Variants in GPC5 observed in about 807,000 individuals in gnomAD.
The protein encoded by GPC5 is glypican-5.
A neutral mutation model predicts 53.9 loss-of-function variants in GPC5; 47 were observed. The ratio of observed to expected loss-of-function variants is 0.87; its 90% confidence interval spans 0.69 to 1.11. GPC5 has a LOEUF of 1.11. GPC5 is among the 50% of genes most tolerant of loss of function. The pLI is 0.00. For synonymous variants in GPC5, 286 were observed against 263.3 expected (o/e 1.09, Z -0.84); for missense variants, 748 against 713.1 (o/e 1.05, Z -0.56).
chr13:92,011,545 TCCCA>T (rs2040661600), intron 6 of GPC5, among the ~76,000 whole-genome samples: 1 of 152,142 alleles, frequency 6.6e-6, no homozygotes, highest in Non-Finnish European at 1.5e-5. Flanking sequence ...GCCATCTTAG[TCCCA>T]GATCTGCCTC....
At chr13:91,551,000 AGT>A (rs1566497074) in intron 2 of GPC5, among the ~76,000 whole-genome samples, 1 of 152,126 alleles carries the variant, frequency 6.6e-6, no homozygotes, top group African/African-American at 2.4e-5. Context: ...CCCAGTCTTG[AGT>A]GTGTCTTTAT....
intron 6 of GPC5, among the ~76,000 whole-genome samples, chr13:92,088,547 C>G (rs555150847): frequency 6.6e-6 from 1 of 152,198 alleles, no homozygotes; most frequent in Non-Finnish European, 1.5e-5. Flanking sequence ...CACCTGCCTC[C>G]TTGCCTCACC....
At chr13:92,845,241 AGAT>A (rs1255240898) in intron 7 of GPC5, among the ~76,000 whole-genome samples, 3 of 152,194 alleles carry the variant, frequency 2.0e-5, no homozygotes, top group Non-Finnish European at 4.4e-5. Context: ...TATATTTAAA[AGAT>A]GATAAGAAAA....
At chr13:92,854,955 C>T (rs996163428) in intron 7 of GPC5, among the ~76,000 whole-genome samples, 10 of 151,856 alleles carry the variant, frequency 6.6e-5, no homozygotes, top group South Asian at 6.2e-4. Flanking sequence ...ATGAATTCTT[C>T]GCTGAGACCA....
chr13:92,233,930 T>C (rs1477456461), intron 7 of GPC5, among the ~76,000 whole-genome samples: 1 of 152,128 alleles, frequency 6.6e-6, no homozygotes, highest in Non-Finnish European at 1.5e-5. Context: ...GTCCTTGCGA[T>C]AGTTTGCTGA....
At chr13:92,800,477 A>G (rs1302032420) in intron 7 of GPC5, among the ~76,000 whole-genome samples, 1 of 151,890 alleles carries the variant, frequency 6.6e-6, no homozygotes, top group African/African-American at 2.4e-5. Flanking sequence ...CCCAAACAGT[A>G]AGTGTTGCAT....
intron 7 of GPC5, among the ~76,000 whole-genome samples, chr13:92,295,724 CT>C: frequency 6.6e-6 from 1 of 152,290 alleles, no homozygotes; most frequent in South Asian, 2.1e-4. Context: ...CTCTTTGTCT[CT>C]TTTAACTCCT....
chr13:91,541,772 G>T (rs1361742575), intron 2 of GPC5, among the ~76,000 whole-genome samples: 19 of 151,702 alleles, frequency 1.3e-4, no homozygotes, highest in Admixed American at 6.6e-4. Context: ...ATAACTTCTA[G>T]ATTAATCATA....
intron 2 of GPC5, among the ~76,000 whole-genome samples, chr13:91,556,555 G>GTA (rs751159320): frequency 0.028 from 4,044 of 146,570 alleles, 61 homozygotes; most frequent in Middle Eastern, 0.04. Flanking sequence ...GTGTGTGTGT[G>GTA]TATATATATA....
At chr13:91,701,242 C>T (rs1308809270) in intron 3 of GPC5, among the ~76,000 whole-genome samples, 1 of 152,032 alleles carries the variant, frequency 6.6e-6, no homozygotes, top group African/African-American at 2.4e-5. Flanking sequence ...TGAGAAAGTT[C>T]AAGTGTATAA....
chr13:92,809,800 T>C (rs982564493), intron 7 of GPC5, among the ~76,000 whole-genome samples: 1 of 152,100 alleles, frequency 6.6e-6, no homozygotes, highest in Non-Finnish European at 1.5e-5. Flanking sequence ...TAAGTATACA[T>C]TTTTATTTTG....
chr13:91,911,767 C>T (rs191880356), intron 6 of GPC5, among the ~76,000 whole-genome samples: 4 of 152,028 alleles, frequency 2.6e-5, no homozygotes, highest in South Asian at 4.1e-4. Flanking sequence ...ATGTTGGAAG[C>T]GGGGTTATTG....
intron 2 of GPC5, among the ~76,000 whole-genome samples, chr13:91,518,850 G>C (rs551669081): frequency 2.4e-4 from 36 of 152,308 alleles, no homozygotes; most frequent in African/African-American, 8.7e-4. Context: ...ACCACACCCG[G>C]CTCAATTTCA....
chr13:92,081,477 A>T (rs991143276), intron 6 of GPC5, among the ~76,000 whole-genome samples: 3 of 152,148 alleles, frequency 2.0e-5, no homozygotes, highest in African/African-American at 7.2e-5. Flanking sequence ...GAATAAATGG[A>T]TTTTAAAGAG....
intron 7 of GPC5, among the ~76,000 whole-genome samples, chr13:92,229,898 C>A (rs976508668): frequency 3.9e-5 from 6 of 152,042 alleles, no homozygotes; most frequent in African/African-American, 1.4e-4. Flanking sequence ...GTCTCTCTTA[C>A]TCTTTTTCCC....
At chr13:92,381,847 G>C (rs1487112614) in intron 7 of GPC5, among the ~76,000 whole-genome samples, 1 of 119,582 alleles carries the variant, frequency 8.4e-6, no homozygotes, top group Non-Finnish European at 1.7e-5. Flanking sequence ...TATTGTATAT[G>C]ATCATATATG....
At chr13:92,672,778 T>A (rs1326459820) in intron 7 of GPC5, among the ~76,000 whole-genome samples, 1 of 151,928 alleles carries the variant, frequency 6.6e-6, no homozygotes, top group African/African-American at 2.4e-5. Flanking sequence ...CAAACTAACA[T>A]AGGAAGAGAA....
intron 7 of GPC5, among the ~76,000 whole-genome samples, chr13:92,394,420 G>A (rs1399515733): frequency 6.6e-6 from 1 of 152,040 alleles, no homozygotes; most frequent in African/African-American, 2.4e-5. Context: ...AATGGGGTTA[G>A]TGCCCTAATA....
intron 2 of GPC5, among the ~76,000 whole-genome samples, chr13:91,660,769 G>A (rs2034969781): frequency 6.6e-6 from 1 of 152,126 alleles, no homozygotes; most frequent in African/African-American, 2.4e-5. Flanking sequence ...TTCTATCTCA[G>A]AAATACAAAA....
Sources: gnomAD v4.1 joint callset for allele counts (sites outside exome capture counted in the v4.1 genomes callset) on GRCh38, gnomAD v4.1.1 for gene constraint, MANE v1.5 for transcripts, NCBI Gene and HGNC (gene_info 2026-07-23, HGNC 2026-07-21) for gene names.